PDE4DIP: variants seen among roughly 807,000 people sequenced by gnomAD.
PDE4DIP encodes the protein myomegalin.
A neutral mutation model predicts 221.4 loss-of-function variants in PDE4DIP; 59 were observed. The ratio of observed to expected loss-of-function variants is 0.27; its 90% confidence interval spans 0.22 to 0.33. PDE4DIP has a LOEUF of 0.33. Ranked by LOEUF, PDE4DIP falls within the 10% of genes least tolerant of loss-of-function variation. PDE4DIP has a pLI of 1.00. For synonymous variants in PDE4DIP, 404 were observed against 815.9 expected, an observed-to-expected ratio of 0.50 and a Z score of 8.60; for missense variants, 1,036 against 2,154.2, an observed-to-expected ratio of 0.48 and a Z score of 10.28.
intron 5 of PDE4DIP, among the ~76,000 whole-genome samples, chr1:148,948,463 C>A (rs377417747): frequency 5.1e-4 from 74 of 143,982 alleles, no homozygotes; most frequent in Middle Eastern, 3.6e-3. Context: ...CACAGTGAGT[C>A]TCCGTCTCAA....
At chr1:148,949,512 T>C (rs1392515738) in intron 5 of PDE4DIP, among the ~76,000 whole-genome samples, 1 of 151,824 alleles carries the variant, frequency 6.6e-6, no homozygotes, top group African/African-American at 2.4e-5. Flanking sequence ...TGAATAAACA[T>C]TCATTGTCCA....
intron 17 of PDE4DIP, among the ~76,000 whole-genome samples, chr1:148,975,986 G>C (rs587741223): frequency 6.6e-6 from 1 of 151,362 alleles, no homozygotes; most frequent in Non-Finnish European, 1.5e-5. Flanking sequence ...TAGTTTTCAG[G>C]ATATGAGAAT....
intron 21 of PDE4DIP, among the ~76,000 whole-genome samples, chr1:148,987,679 T>C (rs1374457046): frequency 2.0e-5 from 3 of 152,204 alleles, no homozygotes; most frequent in Non-Finnish European, 2.9e-5. Context: ...CTTTTCTGTT[T>C]ATCCCATATT....
At chr1:148,998,708 C>A (rs1395345763) in intron 23 of PDE4DIP, among the ~76,000 whole-genome samples, 6 of 143,696 alleles carry the variant, frequency 4.2e-5, no homozygotes, top group African/African-American at 7.8e-5. Context: ...TATACAGAAC[C>A]AGAACAGTTC....
rs1669212213 is a variant in PDE4DIP, at chr1:148,821,408, T to C, written c.233+12671T>C. 1.3e-5 allele frequency among the ~76,000 whole-genome samples: 2 copies of C among 150,220 alleles called. 1 individual carries two copies. The highest frequency in any genetic ancestry group is 5.0e-5 in the African/African-American group (2 of 40,064). On this transcript the variant is annotated intron_variant, in intron 1 of 45. Transcript: ENST00000524974. ...CACAATACTAGGTGCTAGAATAAAA[T>C]GAGGAACAAAATTATTGGATAAAGG...
At chr1:148,815,221 C>G (rs1553355119) in intron 1 of PDE4DIP, among the ~76,000 whole-genome samples, 1 of 125,914 alleles carries the variant, frequency 7.9e-6, no homozygotes. Context: ...TATTTTATTA[C>G]CTACTGCTGA....
intron 29 of PDE4DIP, 73 bp from the exon 33 acceptor site, chr1:149,009,495 C>G (rs2067941451): frequency 2.1e-6 from 2 of 942,690 alleles, no homozygotes; most frequent in Admixed American, 4.1e-5. Flanking sequence ...TTGGCTTTTC[C>G]TATGAGCCAT....
chr1:149,015,767 C>T (rs2070313039), intron 32 of PDE4DIP, among the ~76,000 whole-genome samples: 3 of 151,752 alleles, frequency 2.0e-5, no homozygotes, highest in Non-Finnish European at 2.9e-5. Flanking sequence ...AAGAGTTCTT[C>T]AGTCTGGAGG....
chr1:149,029,817 C>G, exon 42 of PDE4DIP: 1 of 1,599,054 alleles, frequency 6.3e-7, no homozygotes, highest in Non-Finnish European at 8.5e-7. Flanking sequence ...ACTTCTGGAA[C>G]TGAGAACCAA....
At chr1:148,869,705 C>A (rs1295624693) in intron 3 of PDE4DIP, among the ~76,000 whole-genome samples, 1 of 54,006 alleles carries the variant, frequency 1.9e-5, no homozygotes. Context: ...GAAGTCTGTA[C>A]AAGAGAGCAT....
At chr1:149,025,306 C>T (rs2074812327) in intron 38 of PDE4DIP, among the ~76,000 whole-genome samples, 1 of 152,002 alleles carries the variant, frequency 6.6e-6, no homozygotes, top group Non-Finnish European at 1.5e-5. Flanking sequence ...TATTGCCGAC[C>T]TTCCCAGATT....
intron 1 of PDE4DIP, among the ~76,000 whole-genome samples, chr1:148,924,374 A>C (rs1471935539): frequency 5.5e-4 from 83 of 152,198 alleles, no homozygotes; most frequent in African/African-American, 1.9e-3. Flanking sequence ...TTTTGAATAG[A>C]CTCTATTATC....
chr1:148,828,954 G>A (rs1671313712), intron 1 of PDE4DIP, among the ~76,000 whole-genome samples: 1 of 150,420 alleles, frequency 6.6e-6, no homozygotes, highest in African/African-American at 2.4e-5. Flanking sequence ...GAATGAATGA[G>A]ATAATGCATC....
At chr1:148,929,564 G>A (rs1306478314) in intron 2 of PDE4DIP, 21 of 343,740 alleles carry the variant, frequency 6.1e-5, no homozygotes, top group Non-Finnish European at 1.1e-4. Context: ...ACTTTTAGTA[G>A]AGACAAATGC....
At chr1:148,820,641 TG>T (rs1176934815) in intron 1 of PDE4DIP, among the ~76,000 whole-genome samples, 1 of 148,598 alleles carries the variant, frequency 6.7e-6, no homozygotes, top group Non-Finnish European at 1.5e-5. Flanking sequence ...TGCAGACTTT[TG>T]TTTTGTTTTG....
At chr1:148,967,958 G>A (rs587734266) in intron 13 of PDE4DIP, 53 bp downstream of exon 16, 33 of 867,802 alleles carry the variant, frequency 3.8e-5, no homozygotes, top group Non-Finnish European at 5.6e-5. Flanking sequence ...TGTAATCTCA[G>A]CCTTGGATTA....
chr1:149,030,152 C>T (rs1553635403), intron 42 of PDE4DIP, 80 bp from the exon 46 acceptor site: 8 of 1,206,828 alleles, frequency 6.6e-6, no homozygotes, highest in Non-Finnish European at 9.5e-6. Context: ...GAAATAAATG[C>T]TTTAGAATTC....
At position 148,981,320 on chromosome 1, in the gene PDE4DIP, T is replaced by TA. The variant is rs782595325; in HGVS notation, c.2739dup (p.Arg914ThrfsTer32). 1.2e-6 allele frequency: 2 copies of TA among 1,613,882 alleles called. No homozygotes were observed. The highest frequency in any genetic ancestry group is 1.7e-6 in the Non-Finnish European group (2 of 1,179,988). On this transcript the variant is annotated frameshift_variant, in exon 21 of 44. Transcript: ENST00000369354. LOFTEE classifies it high-confidence loss of function. ...GTGGAACTGGAAGGGGCTCAGGTGTTACGCAGTCGGCTAGAAGAAGTTCTT... is the reference window on the plus strand; with the variant it reads ...GTGGAACTGGAAGGGGCTCAGGTGTTAACGCAGTCGGCTAGAAGAAGTTCTT...
intron 21 of PDE4DIP, among the ~76,000 whole-genome samples, chr1:148,991,229 C>T (rs587741403): frequency 1.3e-5 from 2 of 151,672 alleles, no homozygotes; most frequent in East Asian, 3.9e-4. Flanking sequence ...TTAAATCCCA[C>T]GGGGATAAAG....
Sources: allele counts gnomAD v4.1 joint callset (sites outside exome capture counted in the v4.1 genomes callset), GRCh38; gene constraint gnomAD v4.1.1; transcripts MANE v1.5; gene names NCBI Gene and HGNC (gene_info 2026-07-23, HGNC 2026-07-21).